BEND6: variants seen among roughly 807,000 people sequenced by gnomAD.
BEND6 encodes BEN domain containing 6, also known as BEN domain-containing protein 6.
A neutral mutation model predicts 31.8 loss-of-function variants in BEND6; 24 were observed. The observed-to-expected ratio is 0.75, with a 90% confidence interval of 0.55 to 1.06. The LOEUF is 1.06. Among genes scored for constraint, BEND6 ranks in the 50% least tolerant of loss-of-function variants. BEND6 has a pLI of 0.00. For missense variants in BEND6, 294 were observed against 327.4 expected, an observed-to-expected ratio of 0.90 and a Z score of 0.79; for synonymous variants, 109 against 114.6, an observed-to-expected ratio of 0.95 and a Z score of 0.31.
At chr6:57,022,564 A>T (rs1827783991) in intron 6 of BEND6, among the ~76,000 whole-genome samples, 1 of 151,924 alleles carries the variant, frequency 6.6e-6, no homozygotes, top group Non-Finnish European at 1.5e-5. Flanking sequence ...TTGTCTTCTA[A>T]AAACACCAGT....
intron 1 of BEND6, among the ~76,000 whole-genome samples, chr6:56,968,431 C>T (rs879467587): frequency 6.6e-6 from 1 of 151,282 alleles, no homozygotes; most frequent in Non-Finnish European, 1.5e-5. Context: ...CGTGATCCTC[C>T]CACCTCAGCC....
At chr6:57,019,811 T>G (rs1827680094) in intron 6 of BEND6, among the ~76,000 whole-genome samples, 1 of 152,222 alleles carries the variant, frequency 6.6e-6, no homozygotes, top group African/African-American at 2.4e-5. Context: ...TTAGAGAACA[T>G]GGCTGGGCAT....
At chr6:56,974,243 C>T (rs1240510141) in intron 1 of BEND6, among the ~76,000 whole-genome samples, 3 of 151,918 alleles carry the variant, frequency 2.0e-5, no homozygotes, top group South Asian at 4.2e-4. Flanking sequence ...AGATGGCCTG[C>T]CCCCCAGAAA....
chr6:56,973,780 G>A (rs1825775575), intron 1 of BEND6, among the ~76,000 whole-genome samples: 1 of 152,020 alleles, frequency 6.6e-6, no homozygotes, highest in African/African-American at 2.4e-5. Context: ...TTTGAGACAG[G>A]GTCTCATTCT....
chr6:56,999,196 A>C (rs948542689), intron 3 of BEND6, among the ~76,000 whole-genome samples: 1 of 152,136 alleles, frequency 6.6e-6, no homozygotes, highest in Non-Finnish European at 1.5e-5. Context: ...TATTCAGAGC[A>C]CTTGCTCATG....
At chr6:56,978,844 A>G (rs1433597578) in intron 1 of BEND6, among the ~76,000 whole-genome samples, 1 of 152,264 alleles carries the variant, frequency 6.6e-6, no homozygotes, top group Non-Finnish European at 1.5e-5. Flanking sequence ...CTTTTGCTGT[A>G]GACTTAATAA....
intron 1 of BEND6, among the ~76,000 whole-genome samples, chr6:56,962,679 T>C (rs534280569): frequency 1.3e-5 from 2 of 152,326 alleles, no homozygotes; most frequent in African/African-American, 4.8e-5. Context: ...GAGAAGATAT[T>C]GCAGGATTGT....
intron 2 of BEND6, among the ~76,000 whole-genome samples, chr6:56,987,236 T>C (rs1021655932): frequency 1.4e-4 from 22 of 152,226 alleles, no homozygotes; most frequent in African/African-American, 4.3e-4. Context: ...CACCTCCGCC[T>C]CCCAAAGTAC....
chr6:57,019,296 T>C (rs1044181622), intron 6 of BEND6, among the ~76,000 whole-genome samples: 6 of 152,206 alleles, frequency 3.9e-5, no homozygotes, highest in Non-Finnish European at 7.3e-5. Context: ...TCACTTTTAC[T>C]TACCCCTCCT....
At chr6:56,959,055 G>A (rs1017619891) in intron 1 of BEND6, among the ~76,000 whole-genome samples, 1 of 152,214 alleles carries the variant, frequency 6.6e-6, no homozygotes, top group Non-Finnish European at 1.5e-5. Context: ...ATTTGAACAA[G>A]TTTCTAGGGA....
intron 3 of BEND6, chr6:57,008,450 G>A: frequency 3.6e-6 from 2 of 558,278 alleles, no homozygotes; most frequent in Non-Finnish European, 6.4e-6. Flanking sequence ...TGTGTAACTG[G>A]AGTGCTATGC....
intron 3 of BEND6, among the ~76,000 whole-genome samples, chr6:56,992,837 A>G (rs1393674305): frequency 1.3e-5 from 2 of 152,224 alleles, no homozygotes; most frequent in Non-Finnish European, 2.9e-5. Flanking sequence ...CATTTAATAT[A>G]CACGACTCAC....
At chr6:56,980,083 A>G (rs1004357137) in intron 1 of BEND6, among the ~76,000 whole-genome samples, 1 of 152,258 alleles carries the variant, frequency 6.6e-6, no homozygotes, top group African/African-American at 2.4e-5. Flanking sequence ...TGTGGACCAC[A>G]GAGTGCATGA....
chr6:57,020,886 AC>A (rs1827723985), intron 6 of BEND6, among the ~76,000 whole-genome samples: 1 of 151,372 alleles, frequency 6.6e-6, no homozygotes, highest in South Asian at 2.1e-4. Flanking sequence ...TAGGCACAAA[AC>A]TCATCTCTGA....
chr6:56,991,793 C>T (rs957466566), intron 2 of BEND6, among the ~76,000 whole-genome samples: 1 of 152,070 alleles, frequency 6.6e-6, no homozygotes, highest in African/African-American at 2.4e-5. Flanking sequence ...CTCACCAGCA[C>T]CCCAAAGATT....
rs144579419 is a variant in BEND6 at position 56,975,756 on chromosome 6, G to A, written c.-100-5955G>A. On this transcript the variant is annotated intron_variant, in intron 1 of 6. Coordinates refer to ENST00000370746, the MANE Select transcript of BEND6 (RefSeq NM_152731.3). Reference sequence around the variant, plus strand: ...TTCAATTGGTCCAGGATTATGAAACGTAAACCTCCCATTTTAAACAGGAAG... The same window carrying A: ...TTCAATTGGTCCAGGATTATGAAACATAAACCTCCCATTTTAAACAGGAAG... The A allele has an allele frequency of 5.9e-3, 3,083 of 519,228 alleles. 118 individuals are homozygous for A. The highest frequency in any genetic ancestry group is 0.058 in the Admixed American group (2,798 of 47,922). The allele number at this position is 519,228 out of a possible 1,614,324, so 32.2% of individuals were successfully genotyped here. A position where few individuals can be genotyped will look rare whatever the true frequency, so the allele number is the denominator to read the frequency against.
chr6:56,993,055 A>T (rs1826568914), intron 3 of BEND6, among the ~76,000 whole-genome samples: 1 of 152,200 alleles, frequency 6.6e-6, no homozygotes, highest in Non-Finnish European at 1.5e-5. Context: ...AATAATAAAA[A>T]TAATAGCATT....
chr6:57,025,873 T>G (rs1264523155), intron 6 of BEND6, among the ~76,000 whole-genome samples: 1 of 152,154 alleles, frequency 6.6e-6, no homozygotes, highest in Non-Finnish European at 1.5e-5. Context: ...GTGAAAATCT[T>G]GGCACTGTAT....
intron 3 of BEND6, among the ~76,000 whole-genome samples, chr6:56,997,610 G>A (rs1381428777): frequency 6.6e-6 from 1 of 152,208 alleles, no homozygotes; most frequent in Non-Finnish European, 1.5e-5. Context: ...CTGCAGTGCA[G>A]TGGCGCAATC....
Sources: allele counts gnomAD v4.1 joint callset (sites outside exome capture counted in the v4.1 genomes callset), GRCh38; gene constraint gnomAD v4.1.1; transcripts MANE v1.5; gene names NCBI Gene and HGNC (gene_info 2026-07-23, HGNC 2026-07-21).